PITPNA: variants seen among roughly 807,000 people sequenced by gnomAD.
PITPNA encodes phosphatidylinositol transfer protein alpha isoform.
In PITPNA, 13 loss-of-function variants were observed where a neutral mutation model predicts 50.3. That is an observed-to-expected ratio of 0.26 (90% CI 0.17 to 0.41). The LOEUF is 0.41. PITPNA is among the 10% of genes least tolerant of loss of function. The probability of loss-of-function intolerance (pLI) is 1.00; values close to 1 mark genes in which losing one functional copy is unlikely to be tolerated. For missense variants in PITPNA, 207 were observed against 333.4 expected, an observed-to-expected ratio of 0.62 and a Z score of 2.95; for synonymous variants, 120 against 119.6, an observed-to-expected ratio of 1.00 and a Z score of -0.02.
chr17:1,543,397 A>G (rs1479001864), intron 4 of PITPNA, among the ~76,000 whole-genome samples: 3 of 151,624 alleles, frequency 2.0e-5, no homozygotes, highest in African/African-American at 7.3e-5. Context: ...CCCAGCCTCT[A>G]CCTCCCGGGG....
chr17:1,557,811 T>C (rs2075743453), intron 2 of PITPNA, among the ~76,000 whole-genome samples: 1 of 152,202 alleles, frequency 6.6e-6, no homozygotes, highest in Non-Finnish European at 1.5e-5. Context: ...CAGTCACCTA[T>C]CGTGGCTAGG....
At chr17:1,522,318 G>A (rs960860921) in intron 10 of PITPNA, among the ~76,000 whole-genome samples, 1 of 151,256 alleles carries the variant, frequency 6.6e-6, no homozygotes, top group Non-Finnish European at 1.5e-5. Flanking sequence ...TGATCCACCC[G>A]CCTCGGCCTC....
intron 6 of PITPNA, among the ~76,000 whole-genome samples, chr17:1,540,046 G>C (rs1217000426): frequency 2.0e-5 from 3 of 152,224 alleles, no homozygotes; most frequent in African/African-American, 7.2e-5. Context: ...CGAATGCTCT[G>C]ACTATTGAGG....
At chr17:1,526,141 G>T (rs1026626401) in intron 10 of PITPNA, among the ~76,000 whole-genome samples, 1 of 152,200 alleles carries the variant, frequency 6.6e-6, no homozygotes, top group African/African-American at 2.4e-5. Flanking sequence ...CCAGTAACTG[G>T]ACAGAAAGAC....
Position 1,519,227 on chromosome 17 carries a change from G to A in PITPNA, c.*1334C>T, listed in dbSNP as rs1298208273. 6.6e-6 allele frequency: 1 copy of A among 152,402 alleles called. No individual in the cohort carries two copies. Among genetic ancestry groups the A allele is most frequent in the Non-Finnish European group, 1.5e-5 (1 of 68,042 alleles). The allele number at this position is 152,402 out of a possible 1,614,324, so 9.4% of individuals were successfully genotyped here. A position where few individuals can be genotyped will look rare whatever the true frequency, so the allele number is the denominator to read the frequency against. On this transcript the variant is annotated 3_prime_UTR_variant, in exon 12 of 12. Coordinates refer to ENST00000313486, the MANE Select transcript of PITPNA (RefSeq NM_006224.4). ...TAGCAGATGCACCCAGGCTAGTGTG[G>A]GCTGGGATCACGGCACACTTAGGCC...
intron 3 of PITPNA, 133 bp from the exon 4 acceptor site, chr17:1,548,520 T>A: frequency 1.6e-6 from 1 of 624,192 alleles, no homozygotes; most frequent in Non-Finnish European, 2.7e-6. Context: ...CTGGTGGGAG[T>A]GAGAAGTTAC....
At chr17:1,536,465 A>G (rs1286548504) in intron 7 of PITPNA, among the ~76,000 whole-genome samples, 1 of 150,370 alleles carries the variant, frequency 6.7e-6, no homozygotes, top group Admixed American at 6.6e-5. Flanking sequence ...TTTTTTTTGT[A>G]TTTTTAGTAG....
chr17:1,560,812 A>T (rs1293695177), intron 1 of PITPNA, among the ~76,000 whole-genome samples: 1 of 152,162 alleles, frequency 6.6e-6, no homozygotes, highest in African/African-American at 2.4e-5. Flanking sequence ...TTAACATCAG[A>T]CTGGATGTCA....
chr17:1,561,640 A>C (rs1223628527), intron 1 of PITPNA, among the ~76,000 whole-genome samples: 2 of 151,970 alleles, frequency 1.3e-5, no homozygotes, highest in African/African-American at 4.8e-5. Flanking sequence ...CCACGTCCCA[A>C]GCAGTCATCC....
At chr17:1,535,348 G>C in intron 8 of PITPNA, 56 bp from the exon 9 acceptor site, 1 of 1,508,908 alleles carries the variant, frequency 6.6e-7, no homozygotes, top group East Asian at 2.3e-5. Flanking sequence ...ACCTCAGGCC[G>C]TCCCCAGCTC....
At chr17:1,536,838 A>C (rs1409792407) in intron 7 of PITPNA, among the ~76,000 whole-genome samples, 1 of 144,968 alleles carries the variant, frequency 6.9e-6, no homozygotes, top group East Asian at 2.1e-4. Context: ...GGTGATCCAC[A>C]TGCCTCAGCC....
chr17:1,541,916 C>G, intron 5 of PITPNA: 2 of 545,298 alleles, frequency 3.7e-6, no homozygotes, highest in Non-Finnish European at 7.2e-6. Flanking sequence ...TCACAGAGAT[C>G]GGGCCAGGCA....
At chr17:1,527,443 ATGT>A (rs1378241885) in intron 10 of PITPNA, among the ~76,000 whole-genome samples, 1 of 151,632 alleles carries the variant, frequency 6.6e-6, no homozygotes, top group Non-Finnish European at 1.5e-5. Flanking sequence ...GGGTTTCTCC[ATGT>A]TACTCAGGCT....
At chr17:1,548,531 G>A (rs1466405307) in intron 3 of PITPNA, 144 bp from the exon 4 acceptor site, 8 of 592,778 alleles carry the variant, frequency 1.3e-5, no homozygotes, top group Non-Finnish European at 2.0e-5. Context: ...GAGAAGTTAC[G>A]TATGAGAGCC....
intron 6 of PITPNA, among the ~76,000 whole-genome samples, chr17:1,539,815 C>A (rs1307752712): frequency 1.3e-5 from 2 of 152,284 alleles, no homozygotes; most frequent in African/African-American, 4.8e-5. Context: ...CGGCTCACTG[C>A]AAACTCTGCC....
chr17:1,518,866 TC>T lies in PITPNA; in HGVS notation c.*1694del, dbSNP rs1175647174. 1.3e-5 allele frequency: 2 copies of T among 152,196 alleles called. No homozygotes were observed. Among genetic ancestry groups the T allele is most frequent in the Non-Finnish European group, 2.9e-5 (2 of 68,040 alleles). The allele number at this position is 152,196 out of a possible 1,614,324, so 9.4% of individuals were successfully genotyped here. On this transcript the variant is annotated 3_prime_UTR_variant, in exon 12 of 12. Transcript: ENST00000313486. The stretch of plus-strand genomic sequence containing the variant: ...AATGCCTCTTCTCCAACTTTCCAAG[TC>T]AGATAAATGCTACCAGCAGTTGAGA...
At chr17:1,540,090 C>T (rs966144965) in intron 6 of PITPNA, among the ~76,000 whole-genome samples, 4 of 152,202 alleles carry the variant, frequency 2.6e-5, no homozygotes, top group Non-Finnish European at 2.9e-5. Flanking sequence ...AAACGCCTTC[C>T]GGATGTTTAC....
At chr17:1,542,664 C>A (rs1471395051) in intron 5 of PITPNA, among the ~76,000 whole-genome samples, 2 of 152,210 alleles carry the variant, frequency 1.3e-5, no homozygotes, top group Non-Finnish European at 2.9e-5. Context: ...GATCAGTGCT[C>A]AGTGGACTCA....
At chr17:1,550,762 G>T (rs2075703907) in intron 3 of PITPNA, among the ~76,000 whole-genome samples, 1 of 152,078 alleles carries the variant, frequency 6.6e-6, no homozygotes, top group Non-Finnish European at 1.5e-5. Context: ...GGTCCTATAA[G>T]TTATGTCAGA....
Sources: allele counts gnomAD v4.1 joint callset (sites outside exome capture counted in the v4.1 genomes callset), GRCh38; gene constraint gnomAD v4.1.1; transcripts MANE v1.5; gene names NCBI Gene and HGNC (gene_info 2026-07-23, HGNC 2026-07-21).